SHTN1: variants seen among roughly 807,000 people sequenced by gnomAD.
SHTN1 encodes the protein shootin 1.
SHTN1 carries 42 observed loss-of-function variants against 83.1 expected under a neutral mutation model. That is an observed-to-expected ratio of 0.51 (90% CI 0.39 to 0.65). SHTN1 has a LOEUF of 0.65. SHTN1 is among the 30% of genes least tolerant of loss of function. SHTN1 has a pLI of 0.00. For synonymous variants in SHTN1, 224 were observed against 247.7 expected (o/e 0.90, Z 0.90); for missense variants, 622 against 737.8 (o/e 0.84, Z 1.82).
intron 1 of SHTN1, among the ~76,000 whole-genome samples, chr10:117,082,994 G>T (rs1333305277): frequency 6.7e-6 from 1 of 150,078 alleles, no homozygotes; most frequent in Non-Finnish European, 1.5e-5. Context: ...TATCCAATTT[G>T]CCAGTCTGTG....
chr10:116,934,239 A>G (rs1033593259), intron 9 of SHTN1, among the ~76,000 whole-genome samples: 15 of 152,154 alleles, frequency 9.9e-5, no homozygotes, highest in Non-Finnish European at 1.8e-4. Flanking sequence ...GTCTTTGCCC[A>G]TGCCTATGTC....
At chr10:116,934,527 G>A (rs191378717) in intron 9 of SHTN1, among the ~76,000 whole-genome samples, 18 of 152,144 alleles carry the variant, frequency 1.2e-4, no homozygotes, top group African/African-American at 4.1e-4. Flanking sequence ...TTTGGTCTAC[G>A]TATCTGTTTT....
chr10:116,971,968 C>T (rs942496614), intron 2 of SHTN1, among the ~76,000 whole-genome samples: 3 of 152,146 alleles, frequency 2.0e-5, no homozygotes, highest in Non-Finnish European at 2.9e-5. Flanking sequence ...TCTATCTAGT[C>T]AGATCTGAAA....
chr10:117,076,106 C>G lies in SHTN1; in HGVS notation c.-188-27596G>C, dbSNP rs139726530. ...GCTGAGGCAGGAGGATCACCTGAGCCTGGAAGGCAGAGGTTGGAGTAAGCT... is the reference window on the plus strand; with the variant it reads ...GCTGAGGCAGGAGGATCACCTGAGCGTGGAAGGCAGAGGTTGGAGTAAGCT... On this transcript the variant is annotated intron_variant, in intron 1 of 17. Transcript: ENST00000392901. Among the ~76,000 whole-genome samples the G allele has an allele frequency of 2.0e-5, 3 of 150,700 alleles. No individual in the cohort carries two copies. The East Asian group carries it at 5.9e-4, about 30-fold the overall frequency.
intron 11 of SHTN1, 84 bp from the exon 12 acceptor site, chr10:116,921,600 G>T: frequency 2.3e-6 from 2 of 882,386 alleles, no homozygotes; most frequent in Non-Finnish European, 3.6e-6. Context: ...TCTTTGATAG[G>T]TGCATGAATA....
chr10:116,987,691 C>T (rs1348714670), intron 1 of SHTN1, among the ~76,000 whole-genome samples: 1 of 151,946 alleles, frequency 6.6e-6, no homozygotes, highest in Admixed American at 6.6e-5. Flanking sequence ...CCTTGGTGGG[C>T]GGATCACAAG....
chr10:116,975,270 GTCT>G (rs1234706836), intron 2 of SHTN1, among the ~76,000 whole-genome samples: 1 of 152,092 alleles, frequency 6.6e-6, no homozygotes, highest in Non-Finnish European at 1.5e-5. Context: ...ATATGCAGAT[GTCT>G]TATTACCAAA....
chr10:117,065,331 CAAGAA>C (rs1225462304), intron 1 of SHTN1, among the ~76,000 whole-genome samples: 1 of 152,048 alleles, frequency 6.6e-6, no homozygotes, highest in Non-Finnish European at 1.5e-5. Flanking sequence ...CATTAAAAAA[CAAGAA>C]AAGAAAAGTG....
In SHTN1 at chr10:116,940,377, C is replaced by G; in HGVS notation, c.858+89G>C. 1.3e-5 allele frequency: 17 copies of G among 1,315,496 alleles called. 1 individual carries two copies. The highest frequency in any genetic ancestry group is 1.8e-5 in the Non-Finnish European group (17 of 957,268). 81.5% of individuals were successfully genotyped at this position (1,315,496 alleles called of 1,614,324 possible). A position where few individuals can be genotyped will look rare whatever the true frequency, so the allele number is the denominator to read the frequency against. On this transcript the variant is annotated intron_variant, in intron 9 of 16. Transcript: ENST00000355371. Reference sequence around the variant, plus strand: ...AAATATGAAACAGTAAATGACTGGACTGACTGCACTGGCTCCCTTCATCTT... The same window carrying G: ...AAATATGAAACAGTAAATGACTGGAGTGACTGCACTGGCTCCCTTCATCTT...
intron 1 of SHTN1, among the ~76,000 whole-genome samples, chr10:117,058,539 T>C (rs1324273114): frequency 6.6e-6 from 1 of 152,078 alleles, no homozygotes; most frequent in Non-Finnish European, 1.5e-5. Flanking sequence ...TACATGCTGG[T>C]GGGGATAGGA....
chr10:116,951,577 C>T (rs1345531563), intron 6 of SHTN1, among the ~76,000 whole-genome samples: 1 of 152,222 alleles, frequency 6.6e-6, no homozygotes, highest in Non-Finnish European at 1.5e-5. Flanking sequence ...ACATGCTCTT[C>T]TTTCTCTACC....
chr10:116,917,493 G>A (rs1490617982), intron 12 of SHTN1, among the ~76,000 whole-genome samples: 1 of 152,006 alleles, frequency 6.6e-6, no homozygotes, highest in African/African-American at 2.4e-5. Flanking sequence ...TAGTAGAGAC[G>A]GGGTTTCACC....
chr10:116,895,237 CTGGGAAA>C (rs1847477451), intron 16 of SHTN1, among the ~76,000 whole-genome samples: 1 of 152,028 alleles, frequency 6.6e-6, no homozygotes, highest in African/African-American at 2.4e-5. Flanking sequence ...TATTTGACTT[CTGGGAAA>C]AAACTATTTC....
At chr10:117,066,373 GGAGA>G (rs1459296013) in intron 1 of SHTN1, among the ~76,000 whole-genome samples, 12 of 151,992 alleles carry the variant, frequency 7.9e-5, no homozygotes, top group Non-Finnish European at 5.9e-5. Flanking sequence ...TGTCTCCCTT[GGAGA>G]GAGAGAGAAA....
At chr10:116,921,276 AG>A (rs1042337828) in intron 12 of SHTN1, among the ~76,000 whole-genome samples, 157 bp downstream of exon 12, 10 of 152,240 alleles carry the variant, frequency 6.6e-5, no homozygotes, top group African/African-American at 2.4e-4. Context: ...AATAAACTAC[AG>A]GAAGGCAATG....
rs886855321 is a variant in SHTN1 at position 116,996,556 on chromosome 10, A to G, written c.58+8466T>C. Among the ~76,000 whole-genome samples, 3 of 152,214 alleles carry G rather than the reference A, an allele frequency of 2.0e-5. No individual in the cohort carries two copies. The East Asian group carries it at 5.8e-4, about 29-fold the overall frequency. On this transcript the variant is annotated intron_variant, in intron 1 of 16. Transcript: ENST00000355371. ...CAGCTGAAGACACTTTGAGCCTAAG[A>G]TTTATAAATCCTCTCAACTGGCTGC...
chr10:117,059,147 A>G (rs528569682), intron 1 of SHTN1, among the ~76,000 whole-genome samples: 83 of 152,310 alleles, frequency 5.4e-4, no homozygotes, highest in African/African-American at 2.0e-3. Context: ...ATGTTATTTT[A>G]CCACAATAAA....
At chr10:116,947,303 G>A (rs566545781) in intron 7 of SHTN1, among the ~76,000 whole-genome samples, 2 of 152,270 alleles carry the variant, frequency 1.3e-5, no homozygotes, top group African/African-American at 4.8e-5. Flanking sequence ...CTTCTGGTGA[G>A]TCACCTCCAC....
intron 1 of SHTN1, among the ~76,000 whole-genome samples, chr10:117,056,170 A>G (rs565263671): frequency 1.3e-5 from 2 of 152,176 alleles, no homozygotes; most frequent in African/African-American, 2.4e-5. Context: ...TTTACACAAT[A>G]TTTTCAAGAA....
Sources: gnomAD v4.1 joint callset for allele counts (sites outside exome capture counted in the v4.1 genomes callset) on GRCh38, gnomAD v4.1.1 for gene constraint, MANE v1.5 for transcripts, NCBI Gene and HGNC (gene_info 2026-07-23, HGNC 2026-07-21) for gene names.